The following GRIN2A variants were observed in gnomAD, a reference collection of about 807,000 sequenced individuals.
GRIN2A encodes glutamate ionotropic receptor NMDA type subunit 2A, also known as glutamate receptor ionotropic, NMDA 2A.
In GRIN2A, 22 loss-of-function variants were observed where a neutral mutation model predicts 113.4. That is an observed-to-expected ratio of 0.19 (90% confidence interval 0.14 to 0.28). GRIN2A has a LOEUF of 0.28. GRIN2A is among the 10% of genes least tolerant of loss of function. The pLI is 1.00. For synonymous variants in GRIN2A, 827 were observed against 738.4 expected (o/e 1.12, Z -1.94); for missense variants, 1,502 against 1,887.0 (o/e 0.80, Z 3.78).
intron 2 of GRIN2A, among the ~76,000 whole-genome samples, chr16:10,026,264 C>G (rs4780762): frequency 0.72 from 109,631 of 151,954 alleles, 41,089 homozygotes; most frequent in Non-Finnish European, 0.84. Context: ...CCTTCCTAAG[C>G]CTCAGTTTGC....
rs1200055800 is a variant in GRIN2A, at chr16:10,112,561, G to A, written c.414+67437C>T. 6 of 778,020 alleles carry A rather than the reference G, an allele frequency of 7.7e-6. No homozygotes were observed. The East Asian group carries it at 1.2e-4, about 16-fold the overall frequency. The allele number at this position is 778,020 out of a possible 1,614,324, so 48.2% of individuals were successfully genotyped here. On this transcript the variant is annotated intron_variant, in intron 2 of 12. Transcript: ENST00000330684. ...GCTCCCTGCTGGCCACCACCACGGAGGCCCAGCGGCGAGTACTTCTTCTCA... is the reference window on the plus strand; with the variant it reads ...GCTCCCTGCTGGCCACCACCACGGAAGCCCAGCGGCGAGTACTTCTTCTCA...
intron 3 of GRIN2A, chr16:9,937,704 A>C (rs755633502): frequency 1.3e-4 from 70 of 519,326 alleles, no homozygotes; most frequent in Non-Finnish European, 2.1e-4. Flanking sequence ...AGATCGATCA[A>C]TCCCAGGTGT....
rs1278452100 is a variant in GRIN2A at position 10,112,625 on chromosome 16, G to A, written c.414+67373C>T. 27 of 768,548 alleles carry A rather than the reference G, an allele frequency of 3.5e-5. 1 individual carries two copies. Among genetic ancestry groups the A allele is most frequent in the South Asian group, 1.3e-4 (10 of 74,580 alleles). The allele number at this position is 768,548 out of a possible 1,614,324, so 47.6% of individuals were successfully genotyped here. ...TCAAGAAGTACTGGGGCATGGGCTC[G>A]CTAGATGCCATGGAGAAGAGCAGCA... is the stretch of plus-strand genomic sequence containing the variant. On this transcript the variant is annotated intron_variant, in intron 2 of 12. Transcript: ENST00000330684.
chr16:9,975,951 A>G (rs186509709), intron 2 of GRIN2A, among the ~76,000 whole-genome samples: 13 of 152,362 alleles, frequency 8.5e-5, no homozygotes, highest in Admixed American at 8.5e-4. Flanking sequence ...AATTCATCAG[A>G]AAGATATAAT....
chr16:9,897,099 T>C (rs1330323273), intron 3 of GRIN2A, among the ~76,000 whole-genome samples: 1 of 152,152 alleles, frequency 6.6e-6, no homozygotes, highest in African/African-American at 2.4e-5. Flanking sequence ...GGGAAGACTC[T>C]AGTGATTTGC....
At chr16:10,046,684 C>G (rs2047265643) in intron 2 of GRIN2A, among the ~76,000 whole-genome samples, 1 of 152,124 alleles carries the variant, frequency 6.6e-6, no homozygotes, top group Non-Finnish European at 1.5e-5. Flanking sequence ...TTCATTTCTT[C>G]CATGTTGATA....
intron 2 of GRIN2A, among the ~76,000 whole-genome samples, chr16:10,175,028 A>G (rs1052553949): frequency 2.6e-5 from 4 of 152,242 alleles, no homozygotes; most frequent in Admixed American, 1.3e-4. Flanking sequence ...TAGATACACA[A>G]ATACTCACCA....
chr16:10,035,775 G>C (rs1203138477), intron 2 of GRIN2A, among the ~76,000 whole-genome samples: 1 of 151,080 alleles, frequency 6.6e-6, no homozygotes, highest in Non-Finnish European at 1.5e-5. Context: ...CCAGGCTGGA[G>C]TGCAGTGGTA....
chr16:9,838,044 G>A (rs1015356518), intron 7 of GRIN2A, among the ~76,000 whole-genome samples: 10 of 152,196 alleles, frequency 6.6e-5, no homozygotes, highest in African/African-American at 2.2e-4. Flanking sequence ...TGAAGAGAAC[G>A]AAACATGAAA....
intron 4 of GRIN2A, among the ~76,000 whole-genome samples, chr16:9,867,378 C>T (rs982777775): frequency 2.6e-5 from 4 of 152,184 alleles, no homozygotes; most frequent in Non-Finnish European, 5.9e-5. Flanking sequence ...CAGCCCCACT[C>T]CCAGCTGATG....
intron 2 of GRIN2A, among the ~76,000 whole-genome samples, chr16:10,153,485 A>G (rs921583261): frequency 1.6e-4 from 25 of 152,304 alleles, no homozygotes; most frequent in African/African-American, 5.8e-4. Flanking sequence ...AGGTATACAC[A>G]AGGAGAAAAG....
At chr16:10,124,793 G>A (rs1458773614) in intron 2 of GRIN2A, among the ~76,000 whole-genome samples, 1 of 152,166 alleles carries the variant, frequency 6.6e-6, no homozygotes, top group Non-Finnish European at 1.5e-5. Flanking sequence ...ACATGTAAAT[G>A]AACACATACA....
At chr16:9,984,908 C>T (rs1265749948) in intron 2 of GRIN2A, among the ~76,000 whole-genome samples, 1 of 152,154 alleles carries the variant, frequency 6.6e-6, no homozygotes, top group African/African-American at 2.4e-5. Context: ...AACTCTGCTG[C>T]TATCTTCCAG....
chr16:10,101,810 G>C (rs921061968), intron 2 of GRIN2A, among the ~76,000 whole-genome samples: 1 of 152,208 alleles, frequency 6.6e-6, no homozygotes, highest in Non-Finnish European at 1.5e-5. Flanking sequence ...CCGCTGGAGA[G>C]ATAGCCCCAC....
intron 2 of GRIN2A, among the ~76,000 whole-genome samples, chr16:10,106,042 G>T (rs761359924): frequency 6.6e-6 from 1 of 152,178 alleles, no homozygotes; most frequent in Non-Finnish European, 1.5e-5. Context: ...TATGTTAAAA[G>T]AAGTTTTTTG....
chr16:9,892,556 A>G (rs950220175), intron 3 of GRIN2A, among the ~76,000 whole-genome samples: 45 of 152,302 alleles, frequency 3.0e-4, no homozygotes, highest in Middle Eastern at 3.4e-3. Flanking sequence ...TGACTCCTAG[A>G]ATCTACCTTA....
intron 4 of GRIN2A, among the ~76,000 whole-genome samples, chr16:9,889,067 G>A (rs371608403): frequency 1.5e-4 from 23 of 152,070 alleles, no homozygotes; most frequent in Non-Finnish European, 3.2e-4. Flanking sequence ...ATAGATAGAC[G>A]AAGCCATCTA....
chr16:10,161,298 T>A (rs751398278), intron 2 of GRIN2A, among the ~76,000 whole-genome samples: 2 of 152,122 alleles, frequency 1.3e-5, no homozygotes, highest in Non-Finnish European at 2.9e-5. Flanking sequence ...GATTGTAAAT[T>A]TCCGGAGGCC....
At chr16:9,882,292 T>G (rs1047615160) in intron 4 of GRIN2A, among the ~76,000 whole-genome samples, 4 of 152,158 alleles carry the variant, frequency 2.6e-5, no homozygotes, top group Non-Finnish European at 5.9e-5. Flanking sequence ...TATGCCTCAC[T>G]AGACCTGATA....
Sources: allele counts gnomAD v4.1 joint callset (sites outside exome capture counted in the v4.1 genomes callset), GRCh38; gene constraint gnomAD v4.1.1; transcripts MANE v1.5; gene names NCBI Gene and HGNC (gene_info 2026-07-23, HGNC 2026-07-21).